MCCC1: variants seen among roughly 807,000 people sequenced by gnomAD.
MCCC1 encodes methylcrotonoyl-CoA carboxylase subunit alpha, mitochondrial.
Under a neutral mutation model 83.8 loss-of-function variants are expected in MCCC1, and 64 were observed. That is an observed-to-expected ratio of 0.76 (90% CI 0.62 to 0.94). The LOEUF (loss-of-function observed/expected upper bound fraction) is 0.94. Among genes scored for constraint, MCCC1 ranks in the 40% least tolerant of loss-of-function variants. The pLI, the probability that MCCC1 is intolerant of heterozygous loss-of-function variation, is 0.00. For missense variants in MCCC1, 807 were observed against 904.7 expected, an observed-to-expected ratio of 0.89 and a Z score of 1.39; for synonymous variants, 322 against 315.4, an observed-to-expected ratio of 1.02 and a Z score of -0.22.
At chr3:183,068,432 G>A (rs1188361075) in intron 7 of MCCC1, among the ~76,000 whole-genome samples, 2 of 152,182 alleles carry the variant, frequency 1.3e-5, no homozygotes, top group African/African-American at 2.4e-5. Context: ...ACGTCAGGAA[G>A]TTACCCTATA....
chr3:183,055,174 C>T (rs1715314554), intron 8 of MCCC1, among the ~76,000 whole-genome samples: 1 of 151,258 alleles, frequency 6.6e-6, no homozygotes, highest in Admixed American at 6.6e-5. Flanking sequence ...GAGGCTGAGG[C>T]GGGTGGATCA....
chr3:183,020,502 C>A (rs774852430), intron 16 of MCCC1, among the ~76,000 whole-genome samples: 1 of 152,010 alleles, frequency 6.6e-6, no homozygotes, highest in Non-Finnish European at 1.5e-5. Flanking sequence ...TGTAGTGGTA[C>A]GCGCCTATAG....
upstream of MCCC1, chr3:183,099,585 T>G (rs1002231384): frequency 5.6e-5 from 51 of 912,634 alleles, no homozygotes; most frequent in African/African-American, 7.6e-4. Context: ...GATCCAAGAA[T>G]GTGAGGGCGT....
rs1711529695 is a variant in MCCC1, at chr3:183,015,238, A to C, written c.*200T>G. On this transcript the variant is annotated 3_prime_UTR_variant, in exon 19 of 19. Transcript: ENST00000265594. ...AAACATTGGCTTCCAATAAAAAATAATTCAACTTTATTAGTATGAAATATT... is the reference window on the plus strand; with the variant it reads ...AAACATTGGCTTCCAATAAAAAATACTTCAACTTTATTAGTATGAAATATT... The C allele has an allele frequency of 9.6e-6, 6 of 622,812 alleles. No homozygotes were observed. The highest frequency in any genetic ancestry group is 1.7e-5 in the Non-Finnish European group (6 of 355,872). The allele number at this position is 622,812 out of a possible 1,614,324, so 38.6% of individuals were successfully genotyped here.
intron 5 of MCCC1, among the ~76,000 whole-genome samples, chr3:183,072,039 A>T (rs1332214989): frequency 7.3e-5 from 11 of 151,228 alleles, no homozygotes; most frequent in South Asian, 2.1e-4. Flanking sequence ...TGGAATTTTT[A>T]AAAAATTTTG....
At chr3:183,091,993 A>C (rs1419624345) in intron 3 of MCCC1, among the ~76,000 whole-genome samples, 5 of 151,946 alleles carry the variant, frequency 3.3e-5, no homozygotes, top group Admixed American at 6.6e-5. Context: ...CGGAGCTTGC[A>C]GTGAGTCGGG....
chr3:183,101,548 C>G (rs547489323), upstream of MCCC1, among the ~76,000 whole-genome samples: 1 of 152,136 alleles, frequency 6.6e-6, no homozygotes, highest in East Asian at 1.9e-4. Flanking sequence ...CTGATGGGGA[C>G]GTGGAGAACC....
chr3:183,071,618 T>C (rs1417114981), intron 5 of MCCC1, among the ~76,000 whole-genome samples: 1 of 152,134 alleles, frequency 6.6e-6, no homozygotes, highest in Admixed American at 6.5e-5. Flanking sequence ...TGTAACTCAA[T>C]AGAATTTCTC....
chr3:183,035,600 G>T, intron 13 of MCCC1, among the ~76,000 whole-genome samples: 1 of 150,488 alleles, frequency 6.6e-6, no homozygotes, highest in African/African-American at 2.4e-5. Context: ...CTGTTCCAAT[G>T]AGCATTTCCT....
intron 7 of MCCC1, among the ~76,000 whole-genome samples, chr3:183,069,845 GA>G (rs148865224): frequency 1.3e-5 from 2 of 150,594 alleles, no homozygotes; most frequent in Non-Finnish European, 1.5e-5. Flanking sequence ...TAAAATTCCA[GA>G]AAAAAAAATA....
rs1275408389 is a variant in MCCC1 at position 183,092,511 on chromosome 3, T to A, written c.171A>T (p.Arg57Ser). Residue 57 changes from arginine (R) to serine (S), a missense_variant, in exon 3 of 19, where the codon AGA becomes AGT. By Grantham distance (110) the Arg-to-Ser change is moderately radical. Coordinates refer to ENST00000265594, the MANE Select transcript of MCCC1 (RefSeq NM_020166.5). ...GCATCACCCTGCAGGCAATTTCTCC[T>A]CTGTTTGCAATGAGGACCTTGGTAA... ...RNITKVLIANRGEIACRVMRT... is the reference protein window; with the variant it reads ...RNITKVLIANSGEIACRVMRT... 1 of 1,614,202 alleles carries A rather than the reference T, an allele frequency of 6.2e-7. No homozygotes were observed. The highest frequency in any genetic ancestry group is 8.5e-7 in the Non-Finnish European group (1 of 1,180,012).
chr3:183,033,772 C>T (rs1472415185), intron 14 of MCCC1, among the ~76,000 whole-genome samples: 3 of 151,862 alleles, frequency 2.0e-5, no homozygotes, highest in African/African-American at 7.3e-5. Context: ...AGAATATTTA[C>T]AAAATTTTTA....
rs577678976 is a variant in MCCC1 at position 183,073,214 on chromosome 3, T to C, written c.370-727A>G. 2.3e-4 allele frequency among the ~76,000 whole-genome samples: 35 copies of C among 152,298 alleles called. No individual in the cohort carries two copies. The South Asian group carries it at 5.4e-3, about 23-fold the overall frequency. ...TACCAAAAGTGGAATTGCTGGATCATATGGTACAGAAGTTTCTATATACTT... is the reference window on the plus strand; with the variant it reads ...TACCAAAAGTGGAATTGCTGGATCACATGGTACAGAAGTTTCTATATACTT... On this transcript the variant is annotated intron_variant, in intron 4 of 18. Transcript: ENST00000265594.
intron 3 of MCCC1, among the ~76,000 whole-genome samples, chr3:183,088,267 C>T (rs1718058235): frequency 6.7e-6 from 1 of 149,082 alleles, no homozygotes; most frequent in African/African-American, 2.5e-5. Flanking sequence ...AATGTAGTGG[C>T]GCGATCTCGG....
chr3:183,088,614 T>C (rs1033233675), intron 3 of MCCC1, among the ~76,000 whole-genome samples: 2 of 152,240 alleles, frequency 1.3e-5, no homozygotes, highest in African/African-American at 4.8e-5. Flanking sequence ...CATTGCAGTC[T>C]CCTTCCAGAT....
At position 183,039,134 on chromosome 3, in the gene MCCC1, T is replaced by C; in HGVS notation, c.1269A>G (p.Gly423=). The change falls in exon 12 of 19, where the codon GGA becomes GGG. Residue 423 remains glycine (G), a splice_region_variant and synonymous_variant. Transcript: ENST00000265594. ...GGTCATAATGCACGGAAACTTCGTC[T>C]CCTGAAATTGAAAACCACGGTAACC... ...STRIETGVRQ[G]DEVSVHYDPM... The C allele has an allele frequency of 2.5e-6, 4 of 1,614,172 alleles. No homozygotes were observed. The highest frequency in any genetic ancestry group is 3.4e-6 in the Non-Finnish European group (4 of 1,179,996).
In MCCC1 at chr3:183,039,276, T is replaced by C. The variant is rs1055692350; in HGVS notation, c.1268-141A>G. On this transcript the variant is annotated intron_variant, in intron 11 of 18. Transcript: ENST00000265594. ...ATAAATAACAACACAAATTTATTCA[T>C]GAGGACCCTGAGGTTCAGAGGGCTT... The C allele has an allele frequency of 8.9e-6, 8 of 896,438 alleles. No individual in the cohort carries two copies. The African/African-American group carries it at 1.2e-4, about 13-fold the overall frequency. 55.5% of individuals were successfully genotyped at this position (896,438 alleles called of 1,614,324 possible).
chr3:183,022,222 G>A (rs1268547111), intron 16 of MCCC1, among the ~76,000 whole-genome samples, 195 bp downstream of exon 16: 2 of 152,190 alleles, frequency 1.3e-5, no homozygotes, highest in African/African-American at 2.4e-5. Context: ...CTGTGTGAAC[G>A]AGAGAAGTGA....
chr3:183,031,580 C>T (rs1350838168), intron 14 of MCCC1, among the ~76,000 whole-genome samples: 2 of 142,162 alleles, frequency 1.4e-5, no homozygotes, highest in Non-Finnish European at 3.0e-5. Flanking sequence ...TCACTGCAAG[C>T]TCCACCTCCC....
Sources: allele counts gnomAD v4.1 joint callset (sites outside exome capture counted in the v4.1 genomes callset), GRCh38; gene constraint gnomAD v4.1.1; transcripts MANE v1.5; gene names NCBI Gene and HGNC (gene_info 2026-07-23, HGNC 2026-07-21).